NUP153: variants seen among roughly 807,000 people sequenced by gnomAD.
NUP153 encodes nucleoporin 153.
A neutral mutation model predicts 134.6 loss-of-function variants in NUP153; 27 were observed. The ratio of observed to expected loss-of-function variants is 0.20; its 90% CI spans 0.15 to 0.28. The LOEUF (loss-of-function observed/expected upper bound fraction) is 0.28, where lower values mean the gene tolerates loss of function less well. Among genes scored for constraint, NUP153 ranks in the 10% least tolerant of loss-of-function variants. The pLI, the probability that NUP153 is intolerant of heterozygous loss-of-function variation, is 1.00. For synonymous variants in NUP153, 640 were observed against 623.5 expected (o/e 1.03, Z -0.40); for missense variants, 1,821 against 1,731.3 (o/e 1.05, Z -0.92).
rs147839451 is a variant in NUP153 at position 17,655,133 on chromosome 6, C to G, written c.1396-5833G>C. Among the ~76,000 whole-genome samples the G allele has an allele frequency of 2.0e-5, 3 of 152,284 alleles. No individual in the cohort carries two copies. In the East Asian group the frequency reaches 5.8e-4, roughly 29 times the overall value. On this transcript the variant is annotated intron_variant, in intron 11 of 21. Transcript: ENST00000262077. ...TGTATCAATGAGCTTTTTAACAACA[C>G]ACACAAAAAAACTCATGGATTGATT...
In NUP153 at chr6:17,645,623, CG is replaced by C. The variant is rs200367874; in HGVS notation, c.1720+443del. Among the ~76,000 whole-genome samples the C allele has an allele frequency of 4.7e-3, 716 of 152,100 alleles. 2 individuals are homozygous for C. The highest frequency in any genetic ancestry group is 0.01 in the Middle Eastern group (3 of 294). The stretch of plus-strand genomic sequence containing the variant: ...CTTCCTTCAATGATGCTGATTTCTT[CG>C]GTTCAGAAATTATGTATCACAATCT... On this transcript the variant is annotated intron_variant, in intron 14 of 21. Coordinates refer to ENST00000262077, the MANE Select transcript of NUP153 (RefSeq NM_005124.4).
intron 21 of NUP153, 106 bp from the exon 22 acceptor site, chr6:17,616,287 G>T: frequency 4.0e-6 from 2 of 503,018 alleles, no homozygotes; most frequent in African/African-American, 2.0e-5. Flanking sequence ...TCGGGTGGGG[G>T]GGGAGTAGAC....
chr6:17,701,706 C>T (rs536868161), intron 1 of NUP153, among the ~76,000 whole-genome samples: 133 of 150,756 alleles, frequency 8.8e-4, no homozygotes, highest in African/African-American at 2.6e-3. Context: ...TGGTGGCCTG[C>T]GCCTGTAATC....
At chr6:17,664,343 G>A (rs77146855) in intron 9 of NUP153, among the ~76,000 whole-genome samples, 1,840 of 152,148 alleles carry the variant, frequency 0.012, 42 homozygotes, top group African/African-American at 0.041. Flanking sequence ...TAAAACCACT[G>A]AATTGAAAAC....
At chr6:17,687,711 T>C (rs555606635) in intron 2 of NUP153, among the ~76,000 whole-genome samples, 14 of 152,310 alleles carry the variant, frequency 9.2e-5, no homozygotes, top group Non-Finnish European at 1.9e-4. Flanking sequence ...ACAAAAAGTT[T>C]TGTAATTATG....
At chr6:17,620,597 G>A (rs951409210) in intron 20 of NUP153, among the ~76,000 whole-genome samples, 3 of 152,154 alleles carry the variant, frequency 2.0e-5, no homozygotes, top group African/African-American at 7.2e-5. Context: ...TTGTCCAACC[G>A]AGAGGCCACA....
intron 21 of NUP153, 42 bp from the exon 22 acceptor site, chr6:17,616,223 A>G (rs1764309759): frequency 7.9e-6 from 11 of 1,387,252 alleles, no homozygotes; most frequent in Non-Finnish European, 1.1e-5. Flanking sequence ...TGATGCTCTG[A>G]GCAAAATTTC....
intron 17 of NUP153, among the ~76,000 whole-genome samples, chr6:17,629,872 G>C (rs914016137): frequency 9.2e-5 from 14 of 152,208 alleles, no homozygotes; most frequent in African/African-American, 2.9e-4. Context: ...AACTCATAGA[G>C]AGCAATCTGT....
chr6:17,698,515 G>A (rs1769813681), intron 1 of NUP153, among the ~76,000 whole-genome samples: 1 of 152,048 alleles, frequency 6.6e-6, no homozygotes, highest in Non-Finnish European at 1.5e-5. Context: ...GAGGTGGGCG[G>A]ATCACAAGGT....
At position 17,629,349 on chromosome 6, in the gene NUP153, A is replaced by G; in HGVS notation, c.2850T>C (p.Phe950=). The change falls in exon 18 of 22, where the codon TTT becomes TTC. Residue 950 remains phenylalanine, a synonymous_variant. Transcript: ENST00000262077. The part of the protein sequence containing the change: ...SGSINPMSEG[F]KFSKPIGDFK... Reference sequence around the variant, plus strand: ...AATCTCCTATTGGTTTAGAAAATTTAAAGCCTTCACTCATGGGGTTTATAG... The same window carrying G: ...AATCTCCTATTGGTTTAGAAAATTTGAAGCCTTCACTCATGGGGTTTATAG... 1 of 1,609,842 alleles carries G rather than the reference A, an allele frequency of 6.2e-7. No individual in the cohort carries two copies. The highest frequency in any genetic ancestry group is 8.5e-7 in the Non-Finnish European group (1 of 1,178,912).
At chr6:17,644,959 G>A (rs900869180) in intron 14 of NUP153, among the ~76,000 whole-genome samples, 2 of 151,854 alleles carry the variant, frequency 1.3e-5, no homozygotes, top group East Asian at 1.9e-4. Context: ...GGTGGCAGGC[G>A]CCTGTGGTGC....
At chr6:17,616,971 C>T (rs924101186) in intron 20 of NUP153, among the ~76,000 whole-genome samples, 3 of 152,112 alleles carry the variant, frequency 2.0e-5, no homozygotes, top group Non-Finnish European at 4.4e-5. Context: ...AGGATGGTCT[C>T]GATCTCCTGA....
chr6:17,668,478 A>G (rs146944577), intron 8 of NUP153, among the ~76,000 whole-genome samples: 1 of 152,298 alleles, frequency 6.6e-6, no homozygotes, highest in African/African-American at 2.4e-5. Context: ...AAAAAATTGG[A>G]TGAGTATCTA....
chr6:17,635,022 GA>G (rs1765461665), intron 16 of NUP153, among the ~76,000 whole-genome samples: 1 of 148,490 alleles, frequency 6.7e-6, no homozygotes, highest in East Asian at 2.0e-4. Flanking sequence ...TAATGTTTTA[GA>G]AAATTCACAA....
At chr6:17,665,064 A>AAAAAAAAAAAT (rs1767441203) in intron 9 of NUP153, among the ~76,000 whole-genome samples, 175 bp downstream of exon 9, 1 of 151,462 alleles carries the variant, frequency 6.6e-6, no homozygotes, top group African/African-American at 2.4e-5. Context: ...AAAAAAAAAA[A>AAAAAAAAAAAT]ATTTGATCAA....
chr6:17,681,502 G>A (rs1768578716), intron 2 of NUP153, among the ~76,000 whole-genome samples: 1 of 152,058 alleles, frequency 6.6e-6, no homozygotes, highest in African/African-American at 2.4e-5. Flanking sequence ...GGAGAGTGGC[G>A]TGAACCCAGA....
chr6:17,695,935 G>A lies in NUP153; in HGVS notation c.112-7317C>T, dbSNP rs539399261. Reference sequence around the variant, plus strand: ...GAGGCAGGAGAATGGCGTGAACCCGGAAGGCGGAGCTTGCAGTGAGCTGAG... The same window carrying A: ...GAGGCAGGAGAATGGCGTGAACCCGAAAGGCGGAGCTTGCAGTGAGCTGAG... On this transcript the variant is annotated intron_variant, in intron 1 of 21. Transcript: ENST00000262077. Among the ~76,000 whole-genome samples the A allele has an allele frequency of 2.6e-5, 4 of 152,252 alleles. No homozygotes were observed. The East Asian group carries it at 7.7e-4, about 29-fold the overall frequency.
chr6:17,703,202 AAAAAAAAAAAAATT>A (rs1770242057), intron 1 of NUP153, among the ~76,000 whole-genome samples: 1 of 151,454 alleles, frequency 6.6e-6, no homozygotes, highest in African/African-American at 2.4e-5. Context: ...CATCTCAAAA[AAAAAAAAAAAAATT>A]AAAAAAAAAA....
At chr6:17,703,256 C>T (rs1281421189) in intron 1 of NUP153, among the ~76,000 whole-genome samples, 2 of 149,048 alleles carry the variant, frequency 1.3e-5, no homozygotes, top group Non-Finnish European at 3.0e-5. Context: ...AGTAAACTTA[C>T]AGCATTTCCC....
Sources: gnomAD v4.1 joint callset for allele counts (sites outside exome capture counted in the v4.1 genomes callset) on GRCh38, gnomAD v4.1.1 for gene constraint, MANE v1.5 for transcripts, NCBI Gene and HGNC (gene_info 2026-07-23, HGNC 2026-07-21) for gene names.